The following RYR1 variants were observed in gnomAD, a reference collection of about 807,000 sequenced individuals.
The protein encoded by RYR1 is ryanodine receptor 1.
RYR1 carries 342 observed loss-of-function variants against 583.5 expected under a neutral mutation model. The observed-to-expected ratio is 0.59, with a 90% confidence interval of 0.54 to 0.64. The LOEUF (loss-of-function observed/expected upper bound fraction) is 0.64. Among genes scored for constraint, RYR1 ranks in the 30% least tolerant of loss-of-function variants. The probability of loss-of-function intolerance (pLI) is 0.00; values close to 1 mark genes in which losing one functional copy is unlikely to be tolerated. For synonymous variants in RYR1, 2,791 were observed against 2,822.5 expected, an observed-to-expected ratio of 0.99 and a Z score of 0.35; for missense variants, 6,032 against 6,917.2, an observed-to-expected ratio of 0.87 and a Z score of 4.54.
chr19:38,461,718 C>G (rs748358173), intron 20 of RYR1, among the ~76,000 whole-genome samples: 1 of 79,498 alleles, frequency 1.3e-5, no homozygotes, highest in African/African-American at 5.8e-5. Flanking sequence ...AGAGCAAAAC[C>G]CTGAAAAAAA....
rs12460284 is a variant in RYR1 at position 38,468,103 on chromosome 19, T to A, written c.3381+291T>A. 5.6e-5 allele frequency among the ~76,000 whole-genome samples: 8 copies of A among 142,814 alleles called. No individual in the cohort carries two copies. The South Asian group carries it at 1.4e-3, about 24-fold the overall frequency. 93.7% of individuals were successfully genotyped at this position (142,814 alleles called of 152,430 possible). On this transcript the variant is annotated intron_variant, in intron 25 of 105. Transcript: ENST00000359596. ...ATCCATCCATCCATCCAACCATCCA[T>A]CCAGCTAACCAACCATCCATTCATC...
chr19:38,554,852 A>C (rs1198914645), intron 89 of RYR1, among the ~76,000 whole-genome samples: 1 of 152,080 alleles, frequency 6.6e-6, no homozygotes, highest in Non-Finnish European at 1.5e-5. Context: ...CCTATCTGCA[A>C]ATTTTATTTG....
At chr19:38,578,590 T>C (rs61435613) in intron 99 of RYR1, among the ~76,000 whole-genome samples, 17,166 of 152,136 alleles carry the variant, frequency 0.11, 2,013 homozygotes, top group African/African-American at 0.29. Flanking sequence ...CCCAGCACTT[T>C]GGGAGGCCGA....
chr19:38,542,462 G>A (rs961737649), intron 84 of RYR1, among the ~76,000 whole-genome samples: 3 of 151,920 alleles, frequency 2.0e-5, no homozygotes, highest in Admixed American at 6.6e-5. Flanking sequence ...AATAAATGAC[G>A]CTCCACCACA....
At position 38,433,734 on chromosome 19, in the gene RYR1, T is replaced by C. The variant is rs1487405264; in HGVS notation, c.-96T>C. On this transcript the variant is annotated 5_prime_UTR_variant, in exon 1 of 106. Coordinates refer to ENST00000359596, the MANE Select transcript of RYR1 (RefSeq NM_000540.3). ...CGGGTGCCTCTGGTGTCTCCAGAGG[T>C]CTCCGACCCCAGCCCGCCCCCAGCC... The C allele has an allele frequency of 4.9e-6, 4 of 813,028 alleles. No individual in the cohort carries two copies. The highest frequency in any genetic ancestry group is 8.4e-6 in the Non-Finnish European group (4 of 477,518). 50.4% of individuals were successfully genotyped at this position (813,028 alleles called of 1,614,324 possible).
chr19:38,548,479 TAC>T (rs1334516221), intron 89 of RYR1, 59 bp downstream of exon 89: 1 of 1,534,748 alleles, frequency 6.5e-7, no homozygotes, highest in Non-Finnish European at 9.0e-7. Context: ...GGGCCAGCCA[TAC>T]CCTTCTGGCT....
intron 25 of RYR1, 56 bp from the exon 26 acceptor site, chr19:38,468,910 C>A: frequency 6.4e-7 from 1 of 1,574,254 alleles, no homozygotes; most frequent in Non-Finnish European, 8.7e-7. Context: ...GCTTCCTTAT[C>A]TCTCCATTTC....
chr19:38,442,310 G>T, intron 2 of RYR1, 39 bp from the exon 3 acceptor site: 1 of 1,359,254 alleles, frequency 7.4e-7, no homozygotes, highest in Admixed American at 1.7e-5. Context: ...GGGTGGGGGG[G>T]TCTTCTGACC....
intron 47 of RYR1, 127 bp from the exon 48 acceptor site, chr19:38,502,380 A>G (rs1970163249): frequency 2.4e-6 from 2 of 845,558 alleles, no homozygotes; most frequent in South Asian, 2.9e-5. Context: ...GGTGGTAGAG[A>G]TTGGGAGGAG....
At chr19:38,582,880 A>G (rs571393496) in intron 101 of RYR1, among the ~76,000 whole-genome samples, 1 of 151,998 alleles carries the variant, frequency 6.6e-6, no homozygotes, top group Non-Finnish European at 1.5e-5. Flanking sequence ...CAGCTCCTCA[A>G]CCTGACATCT....
Position 38,587,377 on chromosome 19 carries a change from C to G in RYR1, c.15074C>G (p.Ala5025Gly), listed in dbSNP as rs2145922134. The change falls in exon 106 of 106, where the codon GCT (alanine) becomes GGT (glycine). Residue 5025 changes from alanine to glycine, a missense_variant. Ala to Gly is a moderately conservative substitution (Grantham distance 60, BLOSUM62 0). Coordinates refer to ENST00000359596, the MANE Select transcript of RYR1 (RefSeq NM_000540.3). ...GAGAGATGTTGGGATTTCTTCCCAG[C>G]TGGTGATTGTTTCCGTAAGCAGTAT... ...YQERCWDFFP[A>G]GDCFRKQYED... 6.2e-7 allele frequency: 1 copy of G among 1,613,990 alleles called. No individual in the cohort carries two copies. Among genetic ancestry groups the G allele is most frequent in the Non-Finnish European group, 8.5e-7 (1 of 1,179,994 alleles).
At position 38,565,011 on chromosome 19, in the gene RYR1, A is replaced by G; in HGVS notation, c.12677A>G (p.Glu4226Gly). ...TTCGACGTGGTGAACGAGGGCGGCG[A>G]GGCTGAGAAGATGGAGCTCTTCGTG... ...FIFDVVNEGG[E>G]AEKMELFVSF... Residue 4226 changes from glutamate to glycine, a missense_variant, in exon 91 of 106, where the codon GAG becomes GGG. By Grantham distance (98) the Glu-to-Gly change is moderately conservative. Coordinates refer to ENST00000359596, the MANE Select transcript of RYR1 (RefSeq NM_000540.3). This position sits in a 1 kb window ranked among gnomAD's most constrained non-coding sequence, Gnocchi z 4.7. 1.3e-6 allele frequency: 2 copies of G among 1,592,594 alleles called. No individual in the cohort carries two copies. Among genetic ancestry groups the G allele is most frequent in the Non-Finnish European group, 1.7e-6 (2 of 1,170,270 alleles).
In RYR1 at chr19:38,512,595, A is replaced by AC; in HGVS notation, c.9472+112_9472+113insC. Reference sequence around the variant, plus strand: ...TTTGAATGTGTGGATTTCTTGCTGTAAGCAAAGCATGCAGTCAGTACCTTG... The same window carrying AC: ...TTTGAATGTGTGGATTTCTTGCTGTACAGCAAAGCATGCAGTCAGTACCTTG... On this transcript the variant is annotated intron_variant, in intron 63 of 105. Coordinates refer to ENST00000359596, the MANE Select transcript of RYR1 (RefSeq NM_000540.3). This position sits in a 1 kb window ranked among gnomAD's most constrained non-coding sequence, Gnocchi z 5.1. The AC allele has an allele frequency of 9.6e-7, 1 of 1,045,182 alleles. No individual in the cohort carries two copies. Among genetic ancestry groups the AC allele is most frequent in the Non-Finnish European group, 1.5e-6 (1 of 681,292 alleles). 64.7% of individuals were successfully genotyped at this position (1,045,182 alleles called of 1,614,324 possible).
intron 76 of RYR1, among the ~76,000 whole-genome samples, chr19:38,531,229 G>T (rs1253759600): frequency 2.0e-5 from 3 of 152,000 alleles, no homozygotes; most frequent in Non-Finnish European, 4.4e-5. Flanking sequence ...AGGTGATGAA[G>T]AATTTGAGCA....
intron 28 of RYR1, 49 bp downstream of exon 28, chr19:38,473,820 C>G: frequency 7.2e-7 from 1 of 1,382,858 alleles, no homozygotes; most frequent in South Asian, 1.4e-5. Flanking sequence ...CCTTGGGACC[C>G]CCAAGTAGGC....
At chr19:38,463,353 T>TG in intron 20 of RYR1, 70 bp from the exon 21 acceptor site, 1 of 1,348,962 alleles carries the variant, frequency 7.4e-7, no homozygotes, top group Non-Finnish European at 1.1e-6. Flanking sequence ...CAGGTGTTCT[T>TG]GGAAAGAGGG....
chr19:38,546,013 C>G (rs984259373), intron 87 of RYR1, among the ~76,000 whole-genome samples: 1 of 152,164 alleles, frequency 6.6e-6, no homozygotes, highest in African/African-American at 2.4e-5. Context: ...CTCCTGAACC[C>G]AGAGTCCCAC....
In RYR1 at chr19:38,519,441, G is replaced by C. The variant is rs760809784; in HGVS notation, c.10246G>C (p.Val3416Leu). 1.9e-6 allele frequency: 3 copies of C among 1,597,622 alleles called. No homozygotes were observed. The East Asian group carries it at 6.9e-5, about 37-fold the overall frequency. ...YALYPLLIRY[V>L]DNNRAQWLTE... ...CCTGTATCCGCTGCTCATCCGCTAC[G>C]TGGACAACAACAGGTCAGCGGGGCC... The change falls in exon 67 of 106, where the codon GTG (valine) becomes CTG (leucine). Residue 3416 changes from valine to leucine, a missense_variant. Coordinates refer to ENST00000359596, the MANE Select transcript of RYR1 (RefSeq NM_000540.3).
At chr19:38,461,240 A>G (rs1373352278) in intron 20 of RYR1, among the ~76,000 whole-genome samples, 2 of 152,202 alleles carry the variant, frequency 1.3e-5, no homozygotes, top group Non-Finnish European at 2.9e-5. Flanking sequence ...CGAGATTAGT[A>G]TGGGTAACAT....
Sources: gnomAD v4.1 joint callset for allele counts (sites outside exome capture counted in the v4.1 genomes callset) on GRCh38, gnomAD v4.1.1 for gene constraint, Gnocchi (gnomAD v3.1) non-coding constraint, MANE v1.5 for transcripts, NCBI Gene and HGNC (gene_info 2026-07-23, HGNC 2026-07-21) for gene names.